The following CSMD1 variants were observed in gnomAD, a reference collection of about 807,000 sequenced individuals.
CSMD1 encodes the protein CUB and sushi domain-containing protein 1.
CSMD1 carries 213 observed loss-of-function variants against 417.5 expected under a neutral mutation model. The ratio of observed to expected loss-of-function variants is 0.51; its 90% confidence interval spans 0.46 to 0.57. The LOEUF (loss-of-function observed/expected upper bound fraction) is 0.57, where lower values mean the gene tolerates loss of function less well. CSMD1 is among the 20% of genes least tolerant of loss of function. CSMD1 has a pLI of 0.00. For missense variants in CSMD1, 6,923 were observed against 4,529.7 expected (o/e 1.53, Z -15.17); for synonymous variants, 2,862 against 1,736.8 (o/e 1.65, Z -16.11).
Position 3,214,511 on chromosome 8 carries a change from A to T in CSMD1, c.4853T>A (p.Leu1618Gln). The change falls in exon 30 of 70, where the codon CTG (leucine) becomes CAG (glutamine). Residue 1618 changes from leucine (L) to glutamine (Q), a missense_variant. Coordinates refer to ENST00000635120, the MANE Select transcript of CSMD1 (RefSeq NM_033225.6). Reference protein sequence around the residue: ...ADGKPSWDQVLPSCNAPCGGQ... With the variant: ...ADGKPSWDQVQPSCNAPCGGQ... ...CGTGCACTCACCATTGCAGGAGGGC[A>T]GCACTTGGTCCCAGGAGGGTTTCCC... is the stretch of plus-strand genomic sequence containing the variant. 6.3e-7 allele frequency: 1 copy of T among 1,596,782 alleles called. No individual in the cohort carries two copies. The highest frequency in any genetic ancestry group is 8.5e-7 in the Non-Finnish European group (1 of 1,171,580).
intron 3 of CSMD1, among the ~76,000 whole-genome samples, chr8:4,184,410 G>A (rs1798548987): frequency 1.3e-5 from 2 of 152,138 alleles, no homozygotes; most frequent in South Asian, 2.1e-4. Context: ...TGGAGCATAT[G>A]AGGATGTTCC....
At chr8:3,454,562 T>A (rs1815978091) in intron 12 of CSMD1, among the ~76,000 whole-genome samples, 1 of 152,192 alleles carries the variant, frequency 6.6e-6, no homozygotes, top group South Asian at 2.1e-4. Context: ...TATTTCTCCT[T>A]CACTTAAGAA....
chr8:3,964,934 T>C (rs1460235306), intron 5 of CSMD1, among the ~76,000 whole-genome samples: 1 of 152,164 alleles, frequency 6.6e-6, no homozygotes, highest in African/African-American at 2.4e-5. Flanking sequence ...TTTGTCTTCA[T>C]TTTGGGGGTT....
chr8:4,387,072 C>G (rs1373644770), intron 3 of CSMD1, among the ~76,000 whole-genome samples: 2 of 151,992 alleles, frequency 1.3e-5, no homozygotes, highest in Admixed American at 6.6e-5. Context: ...AACGGATGCA[C>G]AGAATTTCAA....
At chr8:3,779,344 G>A (rs1052579964) in intron 5 of CSMD1, among the ~76,000 whole-genome samples, 7 of 152,190 alleles carry the variant, frequency 4.6e-5, no homozygotes, top group South Asian at 2.1e-4. Flanking sequence ...AAGTAGTACT[G>A]TAGCTACAAA....
intron 1 of CSMD1, among the ~76,000 whole-genome samples, chr8:4,813,804 A>G (rs1311484985): frequency 2.0e-5 from 3 of 152,196 alleles, no homozygotes; most frequent in African/African-American, 7.2e-5. Flanking sequence ...TAGGGTTGCC[A>G]TCGAATTTCA....
At chr8:4,548,489 A>C (rs1426864397) in intron 2 of CSMD1, among the ~76,000 whole-genome samples, 1 of 152,216 alleles carries the variant, frequency 6.6e-6, no homozygotes, top group Non-Finnish European at 1.5e-5. Context: ...GCAAGACATA[A>C]GCCCTCAGAA....
At chr8:4,687,324 G>C (rs1806457391) in intron 1 of CSMD1, among the ~76,000 whole-genome samples, 2 of 152,212 alleles carry the variant, frequency 1.3e-5, no homozygotes, top group Admixed American at 6.5e-5. Flanking sequence ...CAGATGCATA[G>C]ATGGAGAAGA....
At chr8:3,900,610 G>C (rs939417309) in intron 5 of CSMD1, among the ~76,000 whole-genome samples, 1 of 152,048 alleles carries the variant, frequency 6.6e-6, no homozygotes, top group South Asian at 2.1e-4. Flanking sequence ...AGTGTAGCTG[G>C]GTGACACTAA....
intron 5 of CSMD1, among the ~76,000 whole-genome samples, chr8:3,979,312 G>T (rs1005174484): frequency 6.6e-6 from 1 of 152,226 alleles, no homozygotes; most frequent in Non-Finnish European, 1.5e-5. Context: ...TAACAGAGGT[G>T]TGAATCAGGT....
chr8:4,240,366 C>A (rs1802321474), intron 3 of CSMD1, among the ~76,000 whole-genome samples: 1 of 152,196 alleles, frequency 6.6e-6, no homozygotes, highest in African/African-American at 2.4e-5. Context: ...TGCATTCTGG[C>A]TATGCCCCAT....
At chr8:3,312,314 C>G (rs1251253382) in intron 23 of CSMD1, among the ~76,000 whole-genome samples, 1 of 152,158 alleles carries the variant, frequency 6.6e-6, no homozygotes, top group Non-Finnish European at 1.5e-5. Context: ...GACCAGCTGT[C>G]TCCTTTTTTT....
At chr8:4,453,908 G>C (rs1464616823) in intron 2 of CSMD1, among the ~76,000 whole-genome samples, 1 of 128,026 alleles carries the variant, frequency 7.8e-6, no homozygotes, top group African/African-American at 3.0e-5. Context: ...TGCCAGCTCC[G>C]CCTCCCAGGT....
chr8:3,217,595 T>G (rs180855448), intron 29 of CSMD1, among the ~76,000 whole-genome samples: 24 of 152,356 alleles, frequency 1.6e-4, no homozygotes, highest in African/African-American at 5.5e-4. Flanking sequence ...TTTTAGTGAA[T>G]TCTTGTTAAG....
chr8:4,467,413 T>G (rs1487639045), intron 2 of CSMD1, among the ~76,000 whole-genome samples: 1 of 151,718 alleles, frequency 6.6e-6, no homozygotes, highest in East Asian at 1.9e-4. Flanking sequence ...TTTCTCTTTT[T>G]CCGTCTTAGA....
At chr8:4,785,240 G>A (rs185894836) in intron 1 of CSMD1, among the ~76,000 whole-genome samples, 11 of 152,266 alleles carry the variant, frequency 7.2e-5, no homozygotes, top group Admixed American at 7.2e-4. Flanking sequence ...TTAGTCTAGA[G>A]CAGTCATGAG....
At chr8:4,106,288 G>T (rs567758664) in intron 3 of CSMD1, among the ~76,000 whole-genome samples, 1 of 152,074 alleles carries the variant, frequency 6.6e-6, no homozygotes, top group African/African-American at 2.4e-5. Context: ...TCTGTGGGTG[G>T]GAAAATACGT....
At position 3,942,011 on chromosome 8, in the gene CSMD1, G is replaced by A. The variant is rs187143037; in HGVS notation, c.818+55892C>T. ...CCTGCACTCTCCTCCTGTCAGACCA[G>A]CAGTGGCATTAGATTCTTATAGGCG... is the stretch of plus-strand genomic sequence containing the variant. On this transcript the variant is annotated intron_variant, in intron 5 of 69. Transcript: ENST00000635120. Among the ~76,000 whole-genome samples, 77 of 152,100 alleles carry A rather than the reference G, an allele frequency of 5.1e-4. No homozygotes were observed. In the East Asian group the frequency reaches 0.012, roughly 24 times the overall value.
At chr8:3,819,691 A>T (rs1801610905) in intron 5 of CSMD1, among the ~76,000 whole-genome samples, 1 of 152,122 alleles carries the variant, frequency 6.6e-6, no homozygotes, top group Non-Finnish European at 1.5e-5. Context: ...GTCTTAGGTG[A>T]TCCTCCAATC....
Sources: gnomAD v4.1 joint callset for allele counts (sites outside exome capture counted in the v4.1 genomes callset) on GRCh38, gnomAD v4.1.1 for gene constraint, MANE v1.5 for transcripts, NCBI Gene and HGNC (gene_info 2026-07-23, HGNC 2026-07-21) for gene names.